Variants in ATOSB observed in about 807,000 individuals in gnomAD.
ATOSB encodes atos homolog protein B.
chr9:35,105,427 C>T, the ATOSB span: 1 of 1,562,258 alleles, frequency 6.4e-7, no homozygotes, highest in Admixed American at 1.8e-5. This position sits in a 1 kb window ranked among gnomAD's most constrained non-coding sequence, Gnocchi z 5.5. Context: ...TTCAGTGGCT[C>T]ATGCCTGTAA....
the ATOSB span, among the ~76,000 whole-genome samples, chr9:35,114,273 T>A: frequency 6.6e-6 from 1 of 152,186 alleles, no homozygotes; most frequent in Non-Finnish European, 1.5e-5. Flanking sequence ...TCTGAGAGAC[T>A]GTCTGGGAAG....
chr9:35,106,713 T>A, the ATOSB span: 11 of 1,464,262 alleles, frequency 7.5e-6, 1 homozygote, highest in African/African-American at 2.8e-5. The surrounding 1 kb of genome is among the most constrained non-coding windows in gnomAD (Gnocchi z 4.6). Flanking sequence ...GCCCTTGGAC[T>A]CCACCCTCTG....
chr9:35,104,629 G>A, the ATOSB span: 3 of 431,870 alleles, frequency 6.9e-6, 1 homozygote, highest in South Asian at 3.4e-5. Context: ...AGGTCAGAGG[G>A]TAGGGGAAGT....
At chr9:35,113,947 C>G in the ATOSB span, among the ~76,000 whole-genome samples, 1 of 152,152 alleles carries the variant, frequency 6.6e-6, no homozygotes, top group Admixed American at 6.6e-5. Flanking sequence ...TATCTTCTGC[C>G]CTTTCACTGT....
At chr9:35,112,685 C>T in the ATOSB span, among the ~76,000 whole-genome samples, 1 of 152,152 alleles carries the variant, frequency 6.6e-6, no homozygotes, top group Admixed American at 6.5e-5. Context: ...GTCAGCAAGT[C>T]GGATAATTTG....
At chr9:35,116,126 C>G in the ATOSB span, 1 of 152,302 alleles carries the variant, frequency 6.6e-6, no homozygotes, top group Admixed American at 6.6e-5. Flanking sequence ...CGCCTCCTCT[C>G]GGTCTCTCCG....
chr9:35,111,414 C>T, the ATOSB span: 1 of 153,656 alleles, frequency 6.5e-6, no homozygotes, highest in Non-Finnish European at 1.5e-5. Flanking sequence ...GAGCCCTGCT[C>T]TGCTAGGCTC....
At chr9:35,106,225 G>C in the ATOSB span, 1 of 1,612,758 alleles carries the variant, frequency 6.2e-7, no homozygotes, top group Non-Finnish European at 8.5e-7. The surrounding 1 kb of genome is among the most constrained non-coding windows in gnomAD (Gnocchi z 4.6). Flanking sequence ...TTGATGAGCT[G>C]ACTTTGGGGT....
chr9:35,105,407 C>T, the ATOSB span: 3 of 1,586,024 alleles, frequency 1.9e-6, no homozygotes, highest in South Asian at 2.3e-5. The surrounding 1 kb of genome is among the most constrained non-coding windows in gnomAD (Gnocchi z 5.5). Flanking sequence ...ACGTAAGAAT[C>T]CAGGCTGGGT....
chr9:35,104,612 CAG>C, the ATOSB span: 1 of 429,110 alleles, frequency 2.3e-6, no homozygotes, highest in South Asian at 1.7e-5. Context: ...ACTTGGCTTT[CAG>C]AGATAGGTCA....
the ATOSB span, chr9:35,116,025 G>A: frequency 6.6e-6 from 1 of 152,230 alleles, no homozygotes; most frequent in Non-Finnish European, 1.5e-5. Context: ...TGTAGCCCGG[G>A]CCCCGCCCCC....
At chr9:35,107,484 C>T in the ATOSB span, 3 of 1,608,838 alleles carry the variant, frequency 1.9e-6, no homozygotes, top group African/African-American at 2.7e-5. Flanking sequence ...TCCCCGGCGC[C>T]TCCGAGGGGC....
chr9:35,105,145 G>A, the ATOSB span: 1 of 1,459,440 alleles, frequency 6.9e-7, no homozygotes, highest in Non-Finnish European at 9.2e-7. This position sits in a 1 kb window ranked among gnomAD's most constrained non-coding sequence, Gnocchi z 5.5. Context: ...GTCTCTTGCT[G>A]TCTCTCCATA....
the ATOSB span, chr9:35,108,072 C>A: frequency 5.9e-5 from 90 of 1,534,226 alleles, no homozygotes; most frequent in East Asian, 2.0e-3. Context: ...TGGGGCTTGT[C>A]GTTTCAGGGC....
At chr9:35,105,599 C>T in the ATOSB span, 941 of 1,410,088 alleles carry the variant, frequency 6.7e-4, 5 homozygotes, top group African/African-American at 0.012. This position sits in a 1 kb window ranked among gnomAD's most constrained non-coding sequence, Gnocchi z 5.5. Flanking sequence ...AGCAAGAATC[C>T]GGACAGTATC....
At chr9:35,107,589 G>A in the ATOSB span, 1 of 1,587,530 alleles carries the variant, frequency 6.3e-7, no homozygotes, top group Non-Finnish European at 8.6e-7. Context: ...AGGGCCAGGG[G>A]GTGTGTGCTC....
the ATOSB span, chr9:35,111,521 GCCGCC>G: frequency 6.6e-6 from 1 of 152,336 alleles, no homozygotes; most frequent in Non-Finnish European, 1.5e-5. Flanking sequence ...CCTCCCCGGG[GCCGCC>G]CCGGCTCCGC....
chr9:35,108,258 G>C, the ATOSB span: 1 of 1,555,822 alleles, frequency 6.4e-7, no homozygotes, highest in Non-Finnish European at 8.6e-7. Context: ...AGACGGCTCC[G>C]CCTGCACGTG....
chr9:35,107,436 G>A, the ATOSB span: 2 of 1,613,916 alleles, frequency 1.2e-6, no homozygotes, highest in South Asian at 2.2e-5. Flanking sequence ...TGTGGCTTTG[G>A]CATCAGAACT....
Sources: gnomAD v4.1 joint callset for allele counts (sites outside exome capture counted in the v4.1 genomes callset) on GRCh38, gnomAD v4.1.1 for gene constraint, Gnocchi (gnomAD v3.1) non-coding constraint, MANE v1.5 for transcripts, NCBI Gene and HGNC (gene_info 2026-07-23, HGNC 2026-07-21) for gene names.